CCND2: variants seen among roughly 807,000 people sequenced by gnomAD.
CCND2 encodes G1/S-specific cyclin-D2.
CCND2 carries 6 observed loss-of-function variants against 30.2 expected under a neutral mutation model. That is an observed-to-expected ratio of 0.20 (90% CI 0.11 to 0.39). The LOEUF is 0.39. Ranked by LOEUF, CCND2 falls within the 10% of genes least tolerant of loss-of-function variation. The probability of loss-of-function intolerance (pLI) is 1.00; values close to 1 mark genes in which losing one functional copy is unlikely to be tolerated. For synonymous variants in CCND2, 150 were observed against 153.1 expected, an observed-to-expected ratio of 0.98 and a Z score of 0.15; for missense variants, 235 against 373.4, an observed-to-expected ratio of 0.63 and a Z score of 3.06.
At chr12:4,288,237 CTTTTT>C (rs56794387) in intron 3 of CCND2, among the ~76,000 whole-genome samples, 3 of 136,156 alleles carry the variant, frequency 2.2e-5, no homozygotes, top group Non-Finnish European at 4.7e-5. Context: ...TAGATCAAAC[CTTTTT>C]TTTTTTTTTT....
At position 4,286,975 on chromosome 12, in the gene CCND2, G is replaced by C. The variant is rs760317095; in HGVS notation, c.572-1867G>C. On this transcript the variant is annotated intron_variant, in intron 3 of 4. Transcript: ENST00000261254. The stretch of plus-strand genomic sequence containing the variant: ...CCCGCTTGTGTTATGAATGTCACAG[G>C]GGGGAGCTAACGAGGTTATTGGGCA... Among the ~76,000 whole-genome samples the C allele has an allele frequency of 1.2e-4, 19 of 152,320 alleles. No individual in the cohort carries two copies. In the East Asian group the frequency reaches 1.7e-3, roughly 14 times the overall value.
rs1864257869 is a variant in CCND2, at chr12:4,302,071, G to A, written c.*2062G>A. 2 of 232,254 alleles carry A rather than the reference G, an allele frequency of 8.6e-6. No homozygotes were observed. The highest frequency in any genetic ancestry group is 1.7e-5 in the Non-Finnish European group (2 of 117,538). 14.4% of individuals were successfully genotyped at this position (232,254 alleles called of 1,614,324 possible). A position where few individuals can be genotyped will look rare whatever the true frequency, so the allele number is the denominator to read the frequency against. ...TTTGTTTTCATAATACCTCACAACC[G>A]TACAGTTTCTGCTTGGGAGCCCATT... On this transcript the variant is annotated 3_prime_UTR_variant, in exon 5 of 5. Transcript: ENST00000261254.
At chr12:4,289,887 TC>T (rs372342529) in intron 4 of CCND2, among the ~76,000 whole-genome samples, 4 of 152,166 alleles carry the variant, frequency 2.6e-5, no homozygotes, top group African/African-American at 9.6e-5. Flanking sequence ...CCTGGAAACT[TC>T]CCACTCCACC....
chr12:4,283,601 A>G (rs1863982026), intron 3 of CCND2, among the ~76,000 whole-genome samples: 1 of 152,158 alleles, frequency 6.6e-6, no homozygotes, highest in South Asian at 2.1e-4. Flanking sequence ...CTTTTTATTA[A>G]TACCTCACCA....
rs1431242635 is a variant in CCND2, at chr12:4,302,418, G to C, written c.*2409G>C. ...CATCTTGGAGCTTTTTCAAAAGCGGGGCTTCATCTGCAAAGGGCCCTTTCA... is the reference window on the plus strand; with the variant it reads ...CATCTTGGAGCTTTTTCAAAAGCGGCGCTTCATCTGCAAAGGGCCCTTTCA... On this transcript the variant is annotated 3_prime_UTR_variant, in exon 5 of 5. Coordinates refer to ENST00000261254, the MANE Select transcript of CCND2 (RefSeq NM_001759.4). 8.6e-6 allele frequency: 2 copies of C among 232,962 alleles called. No individual in the cohort carries two copies. The highest frequency in any genetic ancestry group is 4.4e-5 in the African/African-American group (2 of 45,292). 14.4% of individuals were successfully genotyped at this position (232,962 alleles called of 1,614,324 possible).
intron 4 of CCND2, among the ~76,000 whole-genome samples, chr12:4,295,098 TC>T (rs1269664835): frequency 1.3e-5 from 2 of 152,248 alleles, no homozygotes; most frequent in East Asian, 3.9e-4. Context: ...CCTTCCCAAG[TC>T]CAAAAAGGGC....
chr12:4,296,004 G>A (rs935341210), intron 4 of CCND2, among the ~76,000 whole-genome samples: 3 of 152,240 alleles, frequency 2.0e-5, no homozygotes, highest in Admixed American at 6.5e-5. Flanking sequence ...GTGACAGCCA[G>A]ACATCCCAGT....
In CCND2 at chr12:4,296,340, C is replaced by T. The variant is rs3217902; in HGVS notation, c.721-3520C>T. 3.3e-5 allele frequency among the ~76,000 whole-genome samples: 5 copies of T among 152,292 alleles called. No individual in the cohort carries two copies. The South Asian group carries it at 6.2e-4, about 19-fold the overall frequency. On this transcript the variant is annotated intron_variant, in intron 4 of 4. Transcript: ENST00000261254. Reference sequence around the variant, plus strand: ...GAGCAAGGCAGGATCGGCCGGGAGGCGAGAGGGATTTTGTTGAGGAGCAAG... The same window carrying T: ...GAGCAAGGCAGGATCGGCCGGGAGGTGAGAGGGATTTTGTTGAGGAGCAAG...
At position 4,302,979 on chromosome 12, in the gene CCND2, C is replaced by T. The variant is rs758003631; in HGVS notation, c.*2970C>T. 8.6e-6 allele frequency: 2 copies of T among 233,254 alleles called. No homozygotes were observed. The highest frequency in any genetic ancestry group is 2.2e-5 in the African/African-American group (1 of 45,450). The allele number at this position is 233,254 out of a possible 1,614,324, so 14.4% of individuals were successfully genotyped here. ...CTCTCCTGGGCCCCAAGGAGTCCCACGGAATGGGGAAAGCGGGAACCCTGG... is the reference window on the plus strand; with the variant it reads ...CTCTCCTGGGCCCCAAGGAGTCCCATGGAATGGGGAAAGCGGGAACCCTGG... On this transcript the variant is annotated 3_prime_UTR_variant, in exon 5 of 5. Coordinates refer to ENST00000261254, the MANE Select transcript of CCND2 (RefSeq NM_001759.4).
chr12:4,296,591 T>G (rs1864172864), intron 4 of CCND2, among the ~76,000 whole-genome samples: 1 of 152,222 alleles, frequency 6.6e-6, no homozygotes, highest in South Asian at 2.1e-4. Context: ...CTCTTAGGCC[T>G]TATGCTTTGG....
At chr12:4,275,205 C>G (rs1362607898) in intron 1 of CCND2, 1 of 152,156 alleles carries the variant, frequency 6.6e-6, no homozygotes, top group Non-Finnish European at 1.5e-5. Flanking sequence ...AGTTTCTGTC[C>G]TTGTGGGCCG....
At position 4,299,051 on chromosome 12, in the gene CCND2, G is replaced by A. The variant is rs991585500; in HGVS notation, c.721-809G>A. 3.4e-5 allele frequency among the ~76,000 whole-genome samples: 5 copies of A among 148,980 alleles called. No homozygotes were observed. The highest frequency in any genetic ancestry group is 1.3e-4 in the African/African-American group (5 of 39,856). ...AGGAAATGGTAAAGAAGCAGAAAAA[G>A]TTGGGGATTTTTTTTTTTAAGTATT... On this transcript the variant is annotated intron_variant, in intron 4 of 4. Coordinates refer to ENST00000261254, the MANE Select transcript of CCND2 (RefSeq NM_001759.4). This position sits in a 1 kb window ranked among gnomAD's most constrained non-coding sequence, Gnocchi z 5.2.
rs3217806 is a variant in CCND2 at position 4,278,976 on chromosome 12, G to A, written c.571+57G>A. The stretch of plus-strand genomic sequence containing the variant: ...GGGGGAGCTCTTTTGGGAGATGTCC[G>A]GGGAGAGGCAAAAGGCCGTAGGAAC... On this transcript the variant is annotated intron_variant, in intron 3 of 4. Coordinates refer to ENST00000261254, the MANE Select transcript of CCND2 (RefSeq NM_001759.4). 0.011 allele frequency: 16,588 copies of A among 1,544,614 alleles called. 114 individuals carry two copies. The highest frequency in any genetic ancestry group is 0.013 in the Non-Finnish European group (15,316 of 1,134,596).
chr12:4,287,407 A>T lies in CCND2; in HGVS notation c.572-1435A>T, dbSNP rs1864039188. ...GAGAGGGGCTGGTTTTTGTAGATTT[A>T]ACCTGATTGTTTTTGCTGTAAGTTG... is the stretch of plus-strand genomic sequence containing the variant. On this transcript the variant is annotated intron_variant, in intron 3 of 4. Coordinates refer to ENST00000261254, the MANE Select transcript of CCND2 (RefSeq NM_001759.4). The surrounding 1 kb of genome is among the most constrained non-coding windows in gnomAD (Gnocchi z 4.0). Among the ~76,000 whole-genome samples the T allele has an allele frequency of 6.6e-6, 1 of 152,130 alleles. No homozygotes were observed.
In CCND2 at chr12:4,274,828, A is replaced by G. The variant is rs1356214968; in HGVS notation, c.195+593A>G. Among the ~76,000 whole-genome samples, 6 of 152,234 alleles carry G rather than the reference A, an allele frequency of 3.9e-5. No homozygotes were observed. The highest frequency in any genetic ancestry group is 1.4e-4 in the African/African-American group (6 of 41,458). On this transcript the variant is annotated intron_variant, in intron 1 of 4. Transcript: ENST00000261254. The surrounding 1 kb of genome is among the most constrained non-coding windows in gnomAD (Gnocchi z 7.7). ...GAACCGCTTCTTGCCCCTCACTCCA[A>G]GTCTTTGCCCAGCGAGCCGTGTGCC... is the stretch of plus-strand genomic sequence containing the variant.
In CCND2 at chr12:4,273,856, C is replaced by A; in HGVS notation, c.-185C>A. 1 of 634,770 alleles carries A rather than the reference C, an allele frequency of 1.6e-6. No homozygotes were observed. Among genetic ancestry groups the A allele is most frequent in the Non-Finnish European group, 2.7e-6 (1 of 368,438 alleles). 39.3% of individuals were successfully genotyped at this position (634,770 alleles called of 1,614,324 possible). On this transcript the variant is annotated 5_prime_UTR_variant, in exon 1 of 5. Transcript: ENST00000261254. This position sits in a 1 kb window ranked among gnomAD's most constrained non-coding sequence, Gnocchi z 5.9. ...CCCCGAGGCTCTGCTCGCCCACCAC[C>A]CAATCCTCGCCTCCCTTCTGCTCCA...
At chr12:4,281,781 C>G (rs867072082) in intron 3 of CCND2, among the ~76,000 whole-genome samples, 1 of 152,092 alleles carries the variant, frequency 6.6e-6, no homozygotes, top group South Asian at 2.1e-4. Context: ...AGAGGGGCCG[C>G]GTAAGTGTGG....
At position 4,293,607 on chromosome 12, in the gene CCND2, C is replaced by G. The variant is rs1004841656; in HGVS notation, c.720+4617C>G. ...TTGCCCAGAGAAGATTCCAGGATATCCCTTCCTTAGGGTCATCCTGGCATT... is the reference window on the plus strand; with the variant it reads ...TTGCCCAGAGAAGATTCCAGGATATGCCTTCCTTAGGGTCATCCTGGCATT... On this transcript the variant is annotated intron_variant, in intron 4 of 4. Coordinates refer to ENST00000261254, the MANE Select transcript of CCND2 (RefSeq NM_001759.4). The surrounding 1 kb of genome is among the most constrained non-coding windows in gnomAD (Gnocchi z 4.9). Among the ~76,000 whole-genome samples, 3 of 152,150 alleles carry G rather than the reference C, an allele frequency of 2.0e-5. No homozygotes were observed. The highest frequency in any genetic ancestry group is 7.2e-5 in the African/African-American group (3 of 41,428).
In CCND2 at chr12:4,303,946, G is replaced by A. The variant is rs1346606507; in HGVS notation, c.*3937G>A. ...GCCAGAGGAGAAGACAACCCTGACA[G>A]CATCACGCTGCATCCCATTGCTAGC... On this transcript the variant is annotated 3_prime_UTR_variant, in exon 5 of 5. Coordinates refer to ENST00000261254, the MANE Select transcript of CCND2 (RefSeq NM_001759.4). The surrounding 1 kb of genome is among the most constrained non-coding windows in gnomAD (Gnocchi z 4.6). 4.3e-6 allele frequency: 1 copy of A among 233,404 alleles called. No homozygotes were observed. 14.5% of individuals were successfully genotyped at this position (233,404 alleles called of 1,614,324 possible).
Sources: allele counts gnomAD v4.1 joint callset (sites outside exome capture counted in the v4.1 genomes callset), GRCh38; gene constraint gnomAD v4.1.1; non-coding constraint Gnocchi (gnomAD v3.1); transcripts MANE v1.5; gene names NCBI Gene and HGNC (gene_info 2026-07-23, HGNC 2026-07-21).